Variants in RWDD3 observed in about 807,000 individuals in gnomAD.
The protein encoded by RWDD3 is RWD domain-containing protein 3.
A neutral mutation model predicts 26.5 loss-of-function variants in RWDD3; 30 were observed. The observed-to-expected ratio is 1.13, with a 90% CI of 0.85 to 1.54. The LOEUF is 1.54. Among genes scored for constraint, RWDD3 ranks in the 40% most tolerant of loss-of-function variants. The pLI, the probability that RWDD3 is intolerant of heterozygous loss-of-function variation, is 0.00. For synonymous variants in RWDD3, 113 were observed against 114.5 expected (o/e 0.99, Z 0.09); for missense variants, 296 against 309.1 (o/e 0.96, Z 0.32).
chr1:95,239,280 TA>T (rs1680502187), intron 1 of RWDD3, among the ~76,000 whole-genome samples: 1 of 152,150 alleles, frequency 6.6e-6, no homozygotes. Flanking sequence ...TTAATAACCT[TA>T]AAGCAGATAG....
At chr1:95,244,839 C>G in intron 2 of RWDD3, 141 bp downstream of exon 2, 1 of 961,192 alleles carries the variant, frequency 1.0e-6, no homozygotes, top group Non-Finnish European at 1.5e-6. Context: ...AATGGATCTT[C>G]CTTTTCTTTT....
intron 2 of RWDD3, chr1:95,245,926 A>G (rs1028972586): frequency 6.6e-6 from 1 of 152,114 alleles, no homozygotes; most frequent in Non-Finnish European, 1.5e-5. Flanking sequence ...GAGAAAGAAT[A>G]CTTTTTTAGG....
chr1:95,244,131 G>C lies in RWDD3; in HGVS notation c.86-80G>C, dbSNP rs74105323. On this transcript the variant is annotated intron_variant, in intron 1 of 3. Coordinates refer to ENST00000370202, the MANE Select transcript of RWDD3 (RefSeq NM_015485.5). ...TCTCATGAAAAATAAATTGACATTT[G>C]AGACAAAAGTTTGAACTTGCTGGTG... 1.0e-3 allele frequency: 1,538 copies of C among 1,521,798 alleles called. 13 individuals carry two copies. The African/African-American group carries it at 0.017, about 17-fold the overall frequency. The allele number at this position is 1,521,798 out of a possible 1,614,324, so 94.3% of individuals were successfully genotyped here.
At position 95,244,242 on chromosome 1, in the gene RWDD3, A is replaced by G; in HGVS notation, c.117A>G (p.Thr39=). Residue 39 remains threonine, a synonymous_variant, in exon 2 of 4, where the codon ACA becomes ACG. Coordinates refer to ENST00000370202, the MANE Select transcript of RWDD3 (RefSeq NM_015485.5). The part of the protein sequence containing the change: ...ETDGTVFRIH[T]KAEGFMDVDI... ...ATGGGACCGTGTTCAGAATTCACAC[A>G]AAAGCTGAAGGATTTATGGATGTGG... The G allele has an allele frequency of 1.9e-6, 3 of 1,614,226 alleles. No individual in the cohort carries two copies. Among genetic ancestry groups the G allele is most frequent in the Non-Finnish European group, 2.5e-6 (3 of 1,180,020 alleles).
chr1:95,241,648 TG>T (rs1557720883), intron 1 of RWDD3, among the ~76,000 whole-genome samples: 1 of 152,196 alleles, frequency 6.6e-6, no homozygotes. Flanking sequence ...TGCCAGATTG[TG>T]GGCATCCGAC....
At position 95,241,402 on chromosome 1, in the gene RWDD3, A is replaced by G. The variant is rs78283735; in HGVS notation, c.86-2809A>G. ...AGGCTGAGGTGCATACAATGCACTCAGTGGGTCTTTGTTATAGCTGAGGGG... is the reference window on the plus strand; with the variant it reads ...AGGCTGAGGTGCATACAATGCACTCGGTGGGTCTTTGTTATAGCTGAGGGG... On this transcript the variant is annotated intron_variant, in intron 1 of 3. Coordinates refer to ENST00000370202, the MANE Select transcript of RWDD3 (RefSeq NM_015485.5). Among the ~76,000 whole-genome samples the G allele has an allele frequency of 3.5e-3, 539 of 152,258 alleles. 3 individuals carry two copies. The highest frequency in any genetic ancestry group is 0.012 in the African/African-American group (513 of 41,548).
At chr1:95,242,705 G>T (rs1284413399) in intron 1 of RWDD3, among the ~76,000 whole-genome samples, 1 of 152,126 alleles carries the variant, frequency 6.6e-6, no homozygotes, top group Non-Finnish European at 1.5e-5. Context: ...GTTCACCCGA[G>T]GTCAGGAGTT....
chr1:95,234,164 C>T (rs1171655796), upstream of RWDD3: 2 of 1,504,842 alleles, frequency 1.3e-6, no homozygotes, highest in Non-Finnish European at 1.8e-6. Context: ...CAGTGCTGCT[C>T]CTGGCCGGTG....
chr1:95,235,967 G>T (rs924603974), intron 1 of RWDD3, among the ~76,000 whole-genome samples: 1 of 152,056 alleles, frequency 6.6e-6, no homozygotes, highest in Non-Finnish European at 1.5e-5. Flanking sequence ...GAGATTTATC[G>T]TTCTAATGTT....
At chr1:95,243,011 A>C (rs1444218238) in intron 1 of RWDD3, among the ~76,000 whole-genome samples, 1 of 152,218 alleles carries the variant, frequency 6.6e-6, no homozygotes, top group African/African-American at 2.4e-5. Context: ...GATTTGGAAA[A>C]TTCTTCTTAT....
intron 1 of RWDD3, among the ~76,000 whole-genome samples, chr1:95,240,104 T>TA (rs1200654505): frequency 1.3e-5 from 2 of 152,224 alleles, no homozygotes; most frequent in Non-Finnish European, 2.9e-5. Context: ...TAATCCAGGA[T>TA]AATACTCCCC....
At chr1:95,237,510 T>A (rs1280711788) in intron 1 of RWDD3, 1 of 152,212 alleles carries the variant, frequency 6.6e-6, no homozygotes, top group East Asian at 1.9e-4. Flanking sequence ...TGGACTAATT[T>A]TATGCTGAGA....
intron 3 of RWDD3, 30 bp downstream of exon 3, chr1:95,246,687 A>C (rs1447916457): frequency 3.2e-6 from 5 of 1,553,472 alleles, no homozygotes; most frequent in Non-Finnish European, 4.4e-6. Flanking sequence ...CAGATGGAAA[A>C]GCAACTGAAT....
intron 1 of RWDD3, among the ~76,000 whole-genome samples, chr1:95,234,905 T>A (rs972000677): frequency 1.2e-4 from 18 of 152,118 alleles, no homozygotes; most frequent in African/African-American, 3.9e-4. Context: ...TGATACTTTT[T>A]TTTTTTTAGG....
At chr1:95,246,046 T>C (rs1680840682) in intron 2 of RWDD3, 1 of 152,236 alleles carries the variant, frequency 6.6e-6, no homozygotes, top group Admixed American at 6.5e-5. Context: ...TTATAGATGC[T>C]ATCAATTTGG....
In RWDD3 at chr1:95,246,985, A is replaced by G; in HGVS notation, c.*115A>G. ...TTTAAAGTTTCTCTGAAGCAAAATG[A>G]TAGGCATCATTCTAACTTCAGGAAC... On this transcript the variant is annotated 3_prime_UTR_variant, in exon 4 of 4. Coordinates refer to ENST00000370202, the MANE Select transcript of RWDD3 (RefSeq NM_015485.5). The G allele has an allele frequency of 1.9e-6, 1 of 529,394 alleles. No homozygotes were observed. The highest frequency in any genetic ancestry group is 3.3e-5 in the East Asian group (1 of 30,294). The allele number at this position is 529,394 out of a possible 1,614,324, so 32.8% of individuals were successfully genotyped here. A position where few individuals can be genotyped will look rare whatever the true frequency, so the allele number is the denominator to read the frequency against.
chr1:95,238,132 A>T (rs1680445462), intron 1 of RWDD3, among the ~76,000 whole-genome samples: 1 of 152,226 alleles, frequency 6.6e-6, no homozygotes, highest in Non-Finnish European at 1.5e-5. Context: ...AATGTTCGTT[A>T]TATGTGGGAG....
chr1:95,244,652 G>C lies in RWDD3; in HGVS notation c.527G>C (p.Gly176Ala). The change falls in exon 2 of 4, where the codon GGT (glycine) becomes GCT (alanine). Residue 176 changes from glycine to alanine, a missense_variant. Coordinates refer to ENST00000370202, the MANE Select transcript of RWDD3 (RefSeq NM_015485.5). Reference protein sequence around the residue: ...LRLTGRLMFMGKIILILLQGD... With the variant: ...LRLTGRLMFMAKIILILLQGD... The stretch of plus-strand genomic sequence containing the variant: ...CTGACAGGAAGACTGATGTTCATGG[G>C]TAAAATAATACTGATTTTACTACAG... The C allele has an allele frequency of 6.2e-7, 1 of 1,614,088 alleles. No homozygotes were observed. The highest frequency in any genetic ancestry group is 8.5e-7 in the Non-Finnish European group (1 of 1,179,998).
At chr1:95,236,091 C>G (rs943515098) in intron 1 of RWDD3, among the ~76,000 whole-genome samples, 5 of 152,038 alleles carry the variant, frequency 3.3e-5, no homozygotes, top group Non-Finnish European at 7.4e-5. Context: ...TTTGGGAGGC[C>G]GAGGCGGGCA....
Sources: gnomAD v4.1 joint callset for allele counts (sites outside exome capture counted in the v4.1 genomes callset) on GRCh38, gnomAD v4.1.1 for gene constraint, MANE v1.5 for transcripts, NCBI Gene and HGNC (gene_info 2026-07-23, HGNC 2026-07-21) for gene names.